RPS6KA2: variants seen among roughly 807,000 people sequenced by gnomAD.
RPS6KA2 encodes ribosomal protein S6 kinase alpha-2.
RPS6KA2 carries 42 observed loss-of-function variants against 91.8 expected under a neutral mutation model. That is an observed-to-expected ratio of 0.46 (90% CI 0.36 to 0.59). The LOEUF (loss-of-function observed/expected upper bound fraction) is 0.59, where lower values mean the gene tolerates loss of function less well. Among genes scored for constraint, RPS6KA2 ranks in the 20% least tolerant of loss-of-function variants. RPS6KA2 has a pLI of 0.00. For missense variants in RPS6KA2, 798 were observed against 978.5 expected, an observed-to-expected ratio of 0.82 and a Z score of 2.46; for synonymous variants, 414 against 393.6, an observed-to-expected ratio of 1.05 and a Z score of -0.61.
intron 3 of RPS6KA2, among the ~76,000 whole-genome samples, chr6:166,527,808 C>T (rs1033283708): frequency 4.6e-5 from 7 of 152,214 alleles, no homozygotes; most frequent in Admixed American, 6.5e-5. Flanking sequence ...TTAACCCGTG[C>T]GGCTTGGTGC....
At chr6:166,502,575 G>C (rs1191226535) in intron 6 of RPS6KA2, among the ~76,000 whole-genome samples, 1 of 152,238 alleles carries the variant, frequency 6.6e-6, no homozygotes, top group Non-Finnish European at 1.5e-5. Flanking sequence ...TCAACAGCCA[G>C]GGCCGCACGA....
At position 166,701,337 on chromosome 6, in the gene RPS6KA2, C is replaced by G. The variant is rs971412891; in HGVS notation, c.123+156863G>C. On this transcript the variant is annotated intron_variant, in intron 2 of 21. Coordinates refer to the RPS6KA2 transcript ENST00000503859. ...TGCCTCCTTTTCCAGTAACTGCCAG[C>G]AGCAAAGGATGGCACTCTGATATGA... 12 of 1,553,464 alleles carry G rather than the reference C, an allele frequency of 7.7e-6. No homozygotes were observed. The African/African-American group carries it at 1.2e-4, about 16-fold the overall frequency.
chr6:166,538,012 T>C (rs970690792), intron 2 of RPS6KA2, among the ~76,000 whole-genome samples: 2 of 152,260 alleles, frequency 1.3e-5, no homozygotes, highest in African/African-American at 2.4e-5. Flanking sequence ...TGAAAGAAAT[T>C]AGCTTTTATT....
chr6:166,558,093 T>C (rs138766962), intron 1 of RPS6KA2, among the ~76,000 whole-genome samples: 1,824 of 152,190 alleles, frequency 0.012, 11 homozygotes, highest in Non-Finnish European at 0.016. Context: ...GGTGTGTACA[T>C]ATATATGTAT....
intron 2 of RPS6KA2, among the ~76,000 whole-genome samples, chr6:166,633,868 C>T (rs191899190): frequency 3.9e-5 from 6 of 152,252 alleles, no homozygotes; most frequent in Non-Finnish European, 7.4e-5. Context: ...TATGAGTCAG[C>T]GGAACGTGCC....
At chr6:166,803,761 G>A (rs531786729) in intron 2 of RPS6KA2, among the ~76,000 whole-genome samples, 4 of 152,328 alleles carry the variant, frequency 2.6e-5, no homozygotes, top group South Asian at 4.1e-4. Flanking sequence ...TGGGAAGCAC[G>A]AGATGTTTTA....
chr6:166,562,289 CGTGGAGTTA>C (rs1337190855), intron 1 of RPS6KA2, among the ~76,000 whole-genome samples: 2 of 152,124 alleles, frequency 1.3e-5, no homozygotes, highest in Non-Finnish European at 2.9e-5. Flanking sequence ...GTACCTACCT[CGTGGAGTTA>C]ATGCAGAGAT....
At chr6:166,622,669 C>T (rs1410764199) in intron 1 of RPS6KA2, among the ~76,000 whole-genome samples, 4 of 152,186 alleles carry the variant, frequency 2.6e-5, no homozygotes, top group African/African-American at 9.7e-5. Context: ...AGTCCCTTCA[C>T]ACTTCCTTTA....
At chr6:166,591,322 A>G (rs1195396081) in intron 1 of RPS6KA2, among the ~76,000 whole-genome samples, 1 of 152,196 alleles carries the variant, frequency 6.6e-6, no homozygotes, top group Admixed American at 6.5e-5. Flanking sequence ...GACCAGTCAC[A>G]GTGTGGCTGC....
chr6:166,743,711 A>C (rs914798376), intron 2 of RPS6KA2, among the ~76,000 whole-genome samples: 5 of 152,150 alleles, frequency 3.3e-5, no homozygotes, highest in African/African-American at 1.2e-4. Context: ...TGCGAGAGGG[A>C]TTCTCTGCCT....
intron 2 of RPS6KA2, among the ~76,000 whole-genome samples, chr6:166,668,502 C>T (rs1788382184): frequency 6.6e-6 from 1 of 152,176 alleles, no homozygotes; most frequent in East Asian, 1.9e-4. Context: ...GAAAGTGTTT[C>T]ATACAAAGAA....
rs984639383 is a variant in RPS6KA2 at position 166,423,584 on chromosome 6, C to T, written c.1582-167G>A. Among the ~76,000 whole-genome samples, 1 of 152,024 alleles carries T rather than the reference C, an allele frequency of 6.6e-6. No individual in the cohort carries two copies. Among genetic ancestry groups the T allele is most frequent in the African/African-American group, 2.4e-5 (1 of 41,360 alleles). On this transcript the variant is annotated intron_variant, in intron 16 of 20. Coordinates refer to ENST00000265678, the MANE Select transcript of RPS6KA2 (RefSeq NM_021135.6). The surrounding 1 kb of genome is among the most constrained non-coding windows in gnomAD (Gnocchi z 4.8). ...AACAGCTGCTGTCTTCTCCAGAGGG[C>T]CCCCCACCTTCTCCCATTCTCCTGT...
intron 2 of RPS6KA2, among the ~76,000 whole-genome samples, chr6:166,831,208 T>C (rs558371745): frequency 1.3e-5 from 2 of 152,202 alleles, no homozygotes; most frequent in South Asian, 4.1e-4. Flanking sequence ...TCCGCAGGTG[T>C]TGGTCCTGCG....
intron 2 of RPS6KA2, among the ~76,000 whole-genome samples, chr6:166,752,445 G>A (rs566010422): frequency 5.3e-5 from 8 of 152,352 alleles, no homozygotes; most frequent in African/African-American, 1.9e-4. Context: ...GAAAGGCAGA[G>A]AGAGATTTTT....
At position 166,510,290 on chromosome 6, in the gene RPS6KA2, C is replaced by T; in HGVS notation, c.366G>A (p.Val122=). 6.2e-7 allele frequency: 1 copy of T among 1,602,468 alleles called. No homozygotes were observed. The highest frequency in any genetic ancestry group is 8.5e-7 in the Non-Finnish European group (1 of 1,171,934). ...ILAEVNHPFI[V]KLHYAFQTEG... ...GACTCTACTTACCATAATGAAGCTT[C>T]ACAATGAAGGGGTGATTCACTTCTG... Residue 122 remains valine, a synonymous_variant, in exon 4 of 21, where the codon GTG becomes GTA. Transcript: ENST00000265678.
intron 12 of RPS6KA2, among the ~76,000 whole-genome samples, chr6:166,458,322 G>A (rs1325835645): frequency 2.0e-5 from 3 of 152,140 alleles, no homozygotes; most frequent in Admixed American, 2.0e-4. Flanking sequence ...TGAGATCTGA[G>A]AGTTTTAAAA....
At chr6:166,432,292 G>T (rs2128446209) in intron 15 of RPS6KA2, 109 bp downstream of exon 15, 2 of 727,396 alleles carry the variant, frequency 2.7e-6, no homozygotes, top group South Asian at 3.5e-5. Flanking sequence ...GTGGAAACCA[G>T]CTGAGACAGG....
intron 1 of RPS6KA2, among the ~76,000 whole-genome samples, chr6:166,539,397 G>C (rs1252617250): frequency 2.6e-5 from 4 of 152,120 alleles, no homozygotes; most frequent in Non-Finnish European, 5.9e-5. Context: ...CAGAAGTTCT[G>C]GTACGATGAA....
chr6:166,518,685 G>A (rs1782745806), intron 3 of RPS6KA2, among the ~76,000 whole-genome samples: 2 of 152,216 alleles, frequency 1.3e-5, no homozygotes, highest in Admixed American at 1.3e-4. Flanking sequence ...CAGAAAACAG[G>A]AAAAGGATGT....
Sources: allele counts gnomAD v4.1 joint callset (sites outside exome capture counted in the v4.1 genomes callset), GRCh38; gene constraint gnomAD v4.1.1; non-coding constraint Gnocchi (gnomAD v3.1); transcripts MANE v1.5; gene names NCBI Gene and HGNC (gene_info 2026-07-23, HGNC 2026-07-21).